CR1L: variants seen among roughly 807,000 people sequenced by gnomAD.
CR1L encodes the protein complement component receptor 1-like protein.
In CR1L, 59 loss-of-function variants were observed where a neutral mutation model predicts 62.3. That is an observed-to-expected ratio of 0.95 (90% CI 0.77 to 1.18). CR1L has a LOEUF of 1.18. Ranked by LOEUF, CR1L falls within the 50% of genes most tolerant of loss-of-function variation. The probability of loss-of-function intolerance (pLI) is 0.00; values close to 1 mark genes in which losing one functional copy is unlikely to be tolerated. For synonymous variants in CR1L, 279 were observed against 248.7 expected (o/e 1.12, Z -1.15); for missense variants, 700 against 702.8 (o/e 1.00, Z 0.04).
At chr1:207,649,538 G>A (rs1663190640) in intron 1 of CR1L, among the ~76,000 whole-genome samples, 1 of 152,172 alleles carries the variant, frequency 6.6e-6, no homozygotes, top group Non-Finnish European at 1.5e-5. Context: ...AATTTCTTGA[G>A]GACCTAATTG....
chr1:207,699,495 G>A (rs200851438), intron 8 of CR1L, among the ~76,000 whole-genome samples: 81 of 152,282 alleles, frequency 5.3e-4, no homozygotes, highest in Middle Eastern at 3.4e-3. Context: ...GTTCTATTGC[G>A]ATAAATCCTA....
intron 1 of CR1L, among the ~76,000 whole-genome samples, chr1:207,647,534 C>CGG (rs1373204164): frequency 6.6e-6 from 1 of 152,216 alleles, no homozygotes; most frequent in African/African-American, 2.4e-5. Context: ...TGTCTTCCCC[C>CGG]ATTTGTGGTT....
chr1:207,669,193 T>C (rs934451691), intron 1 of CR1L: 1 of 349,638 alleles, frequency 2.9e-6, no homozygotes, highest in South Asian at 2.7e-5. Context: ...TGTCAAGCTC[T>C]GCTGCTGCAC....
chr1:207,694,910 G>C (rs939873353), intron 5 of CR1L, among the ~76,000 whole-genome samples, 159 bp downstream of exon 5: 2 of 152,212 alleles, frequency 1.3e-5, no homozygotes, highest in Non-Finnish European at 2.9e-5. Flanking sequence ...GTGTGTACAT[G>C]CAGATGTGCT....
Position 207,694,724 on chromosome 1 carries a change from G to T in CR1L, c.835G>T (p.Glu279Ter), listed in dbSNP as rs777533568. 2.5e-6 allele frequency: 4 copies of T among 1,611,782 alleles called. No homozygotes were observed. Among genetic ancestry groups the T allele is most frequent in the Non-Finnish European group, 3.4e-6 (4 of 1,179,736 alleles). Residue 279 changes from glutamate (E) to a stop codon, truncating the protein, a stop_gained, in exon 5 of 12, where the codon GAG becomes TAG. Coordinates refer to ENST00000508064, the MANE Select transcript of CR1L (RefSeq NM_175710.2). LOFTEE classifies it high-confidence loss of function. ...GAAGTGCCAGGCCCTGAACAAATGG[G>T]AGCCAGAGTTACCAAGCTGCTCCAG... is the stretch of plus-strand genomic sequence containing the variant. Reference protein sequence around the residue: ...HVKCQALNKWEPELPSCSRVC... With the variant: ...HVKCQALNKW
intron 1 of CR1L, chr1:207,669,626 A>T (rs1031269407): frequency 3.8e-6 from 4 of 1,053,190 alleles, no homozygotes; most frequent in African/African-American, 3.3e-5. Flanking sequence ...GGCCCCGCAG[A>T]GAACTCGCGT....
chr1:207,650,981 T>G (rs368282755), intron 1 of CR1L, among the ~76,000 whole-genome samples: 3 of 151,980 alleles, frequency 2.0e-5, no homozygotes, highest in East Asian at 3.9e-4. Flanking sequence ...GAAATGGGGT[T>G]TCACCATGTT....
intron 4 of CR1L, among the ~76,000 whole-genome samples, chr1:207,686,236 C>T (rs760393575): frequency 2.1e-5 from 3 of 142,648 alleles, no homozygotes; most frequent in East Asian, 2.1e-4. Context: ...CTTTACCACA[C>T]GGCTAGGACC....
At chr1:207,720,123 C>T (rs968607736) in intron 11 of CR1L, among the ~76,000 whole-genome samples, 1 of 152,182 alleles carries the variant, frequency 6.6e-6, no homozygotes, top group Admixed American at 6.5e-5. Context: ...GTTCTTGGAA[C>T]TCAGAGCTTA....
At position 207,677,436 on chromosome 1, in the gene CR1L, C is replaced by T. The variant is rs776437165; in HGVS notation, c.145C>T (p.Leu49=). 1.9e-5 allele frequency: 31 copies of T among 1,613,414 alleles called. No individual in the cohort carries two copies. Among genetic ancestry groups the T allele is most frequent in the Non-Finnish European group, 2.6e-5 (31 of 1,179,684 alleles). The change falls in exon 2 of 12, where the codon CTA becomes TTA. Residue 49 remains leucine, a synonymous_variant. Coordinates refer to ENST00000508064, the MANE Select transcript of CR1L (RefSeq NM_175710.2). ...EWLPFARPTN[L]TDDFEFPIGT... ...GCTTCCATTTGCCAGGCCTACCAAC[C>T]TAACTGATGACTTTGAGTTTCCCAT...
intron 1 of CR1L, among the ~76,000 whole-genome samples, chr1:207,664,814 A>G (rs545717630): frequency 6.6e-6 from 1 of 152,332 alleles, no homozygotes; most frequent in South Asian, 2.1e-4. Context: ...ATTTTTTGTC[A>G]TCAGTAAGAG....
chr1:207,699,097 A>C (rs964112221), intron 7 of CR1L, 92 bp from the exon 8 acceptor site: 177 of 1,567,548 alleles, frequency 1.1e-4, no homozygotes, highest in Non-Finnish European at 1.5e-4. Context: ...TCAGGTCCTC[A>C]AAATCCTGAA....
In CR1L at chr1:207,694,402, C is replaced by G. The variant is rs772629800; in HGVS notation, c.513C>G (p.Ser171Arg). 2 of 1,613,968 alleles carry G rather than the reference C, an allele frequency of 1.2e-6. No individual in the cohort carries two copies. Among genetic ancestry groups the G allele is most frequent in the South Asian group, 2.2e-5 (2 of 91,076 alleles). Residue 171 changes from serine to arginine, a missense_variant, in exon 5 of 12, where the codon AGC (serine) becomes AGG (arginine). Transcript: ENST00000508064. ...CCATCGCCAATGGAGATTTCACTAG[C>G]ATCAGCAGAGAGTATTTTCACTATG... ...PPTIANGDFT[S>R]ISREYFHYGS...
In CR1L at chr1:207,694,389, G is replaced by C. The variant is rs779244019; in HGVS notation, c.500G>C (p.Gly167Ala). 14 of 1,613,824 alleles carry C rather than the reference G, an allele frequency of 8.7e-6. No homozygotes were observed. The highest frequency in any genetic ancestry group is 1.2e-5 in the Non-Finnish European group (14 of 1,179,886). The change falls in exon 5 of 12, where the codon GGA becomes GCA. Residue 167 changes from glycine to alanine, a missense_variant. Coordinates refer to ENST00000508064, the MANE Select transcript of CR1L (RefSeq NM_175710.2). ...ICGLPPTIAN[G>A]DFTSISREYF... is the part of the protein sequence containing the mutation. ...GGGCTACCCCCCACCATCGCCAATG[G>C]AGATTTCACTAGCATCAGCAGAGAG...
chr1:207,648,042 T>C (rs891847522), intron 1 of CR1L, among the ~76,000 whole-genome samples: 2 of 151,984 alleles, frequency 1.3e-5, no homozygotes, highest in Admixed American at 6.6e-5. Flanking sequence ...TGCATGCCTG[T>C]GGTCCCAGCT....
intron 11 of CR1L, among the ~76,000 whole-genome samples, chr1:207,719,878 C>T (rs1236676867): frequency 6.6e-6 from 1 of 152,156 alleles, no homozygotes. Context: ...AATGGGGTAG[C>T]CTGGGTTCAG....
Position 207,723,627 on chromosome 1 carries a change from A to G in CR1L, c.1652A>G (p.Asp551Gly), listed in dbSNP as rs1169042105. Reference sequence around the variant, plus strand: ...TTTGTCTTCCTTTTAGGTTCACATGATGCTCTTATAGTTGGTAAGTTTTAT... The same window carrying G: ...TTTGTCTTCCTTTTAGGTTCACATGGTGCTCTTATAGTTGGTAAGTTTTAT... Reference protein sequence around the residue: ...CELPVGAGSHDALIVGKFYEV... With the variant: ...CELPVGAGSHGALIVGKFYEV... The change falls in exon 12 of 12, where the codon GAT (aspartate) becomes GGT (glycine). Residue 551 changes from aspartate (D) to glycine (G), a missense_variant. By Grantham distance (94) the Asp-to-Gly change is moderately conservative. Coordinates refer to ENST00000508064, the MANE Select transcript of CR1L (RefSeq NM_175710.2). The G allele has an allele frequency of 8.1e-6, 13 of 1,596,184 alleles. No individual in the cohort carries two copies. Among genetic ancestry groups the G allele is most frequent in the Non-Finnish European group, 1.0e-5 (12 of 1,169,944 alleles).
chr1:207,685,372 A>G (rs1185715454), intron 4 of CR1L, among the ~76,000 whole-genome samples: 2 of 152,228 alleles, frequency 1.3e-5, no homozygotes, highest in Non-Finnish European at 1.5e-5. Flanking sequence ...TTGATGAACA[A>G]TGAACTTCTT....
chr1:207,655,687 G>T (rs1213135930), intron 1 of CR1L, among the ~76,000 whole-genome samples: 1 of 152,084 alleles, frequency 6.6e-6, no homozygotes, highest in Non-Finnish European at 1.5e-5. Flanking sequence ...ATCTGCCCCC[G>T]TGGGCCTCCC....
Sources: gnomAD v4.1 joint callset for allele counts (sites outside exome capture counted in the v4.1 genomes callset) on GRCh38, gnomAD v4.1.1 for gene constraint, MANE v1.5 for transcripts, NCBI Gene and HGNC (gene_info 2026-07-23, HGNC 2026-07-21) for gene names.